The following TNNI3K variants were observed in gnomAD, a reference collection of about 807,000 sequenced individuals.
The protein encoded by TNNI3K is serine/threonine-protein kinase TNNI3K.
TNNI3K carries 140 observed loss-of-function variants against 114.5 expected under a neutral mutation model. The ratio of observed to expected loss-of-function variants is 1.22; its 90% CI spans 1.07 to 1.41. TNNI3K has a LOEUF of 1.41. TNNI3K is among the 40% of genes most tolerant of loss of function. TNNI3K has a pLI of 0.00. For missense variants in TNNI3K, 1,125 were observed against 1,007.6 expected (o/e 1.12, Z -1.58); for synonymous variants, 347 against 347.5 (o/e 1.00, Z 0.02).
Position 74,331,462 on chromosome 1 carries a change from C to T in TNNI3K, c.457C>T (p.Leu153=), listed in dbSNP as rs200629093. The T allele has an allele frequency of 2.5e-6, 4 of 1,613,190 alleles. No individual in the cohort carries two copies. Among genetic ancestry groups the T allele is most frequent in the East Asian group, 2.2e-5 (1 of 44,870 alleles). ...TTTTCTTGTCCAGGCTGCTGATGTGCTGTTGCAACATGGAGCTAATGTCAA... is the reference window on the plus strand; with the variant it reads ...TTTTCTTGTCCAGGCTGCTGATGTGTTGTTGCAACATGGAGCTAATGTCAA... The part of the protein sequence containing the change: ...IAGHLEAADV[L]LQHGANVNIQ... The change falls in exon 6 of 25, where the codon CTG becomes TTG. Residue 153 remains leucine (L), a synonymous_variant. Coordinates refer to ENST00000326637, the MANE Select transcript of TNNI3K (RefSeq NM_015978.3).
chr1:74,461,410 G>A (rs189488524), intron 20 of TNNI3K, among the ~76,000 whole-genome samples: 44 of 151,400 alleles, frequency 2.9e-4, no homozygotes, highest in East Asian at 1.8e-3. Context: ...AACCCAGGAG[G>A]CAGAGGCTGC....
intron 21 of TNNI3K, among the ~76,000 whole-genome samples, chr1:74,481,455 A>C (rs575937294): frequency 6.6e-6 from 1 of 152,274 alleles, no homozygotes; most frequent in Non-Finnish European, 1.5e-5. Context: ...TAAAGGTGCG[A>C]GTTGGGATGG....
At chr1:74,246,280 A>G (rs1654548139) in intron 2 of TNNI3K, among the ~76,000 whole-genome samples, 1 of 152,246 alleles carries the variant, frequency 6.6e-6, no homozygotes, top group Non-Finnish European at 1.5e-5. Context: ...GGAAGAAAGT[A>G]AACTAGGTAC....
chr1:74,513,368 G>A (rs897737394), intron 23 of TNNI3K, among the ~76,000 whole-genome samples: 1 of 152,184 alleles, frequency 6.6e-6, no homozygotes, highest in Non-Finnish European at 1.5e-5. Context: ...GGGATGCAGG[G>A]GCACTGGTAG....
intron 5 of TNNI3K, among the ~76,000 whole-genome samples, chr1:74,316,684 T>C (rs1480416069): frequency 6.6e-6 from 1 of 151,198 alleles, no homozygotes; most frequent in Non-Finnish European, 1.5e-5. Flanking sequence ...TTTTTAATTT[T>C]TATTTATTTA....
chr1:74,369,314 T>C (rs1662463652), intron 15 of TNNI3K, 50 bp downstream of exon 15: 1 of 1,607,154 alleles, frequency 6.2e-7, no homozygotes, highest in Admixed American at 1.7e-5. Flanking sequence ...TTGTGACCTT[T>C]GAGAAGCATG....
chr1:74,332,906 T>C (rs1284130005), intron 6 of TNNI3K, among the ~76,000 whole-genome samples: 1 of 146,160 alleles, frequency 6.8e-6, no homozygotes, highest in Non-Finnish European at 1.5e-5. Flanking sequence ...TCTATGTTTC[T>C]TTAAAACACT....
intron 5 of TNNI3K, among the ~76,000 whole-genome samples, chr1:74,295,089 A>C (rs1278184556): frequency 6.6e-6 from 1 of 152,024 alleles, no homozygotes; most frequent in East Asian, 1.9e-4. Flanking sequence ...CATTCACTTC[A>C]AATATTTTCA....
rs567017412 is a variant in TNNI3K at position 74,269,939 on chromosome 1, G to A, written c.334-1659G>A. Among the ~76,000 whole-genome samples, 19 of 151,948 alleles carry A rather than the reference G, an allele frequency of 1.3e-4. No individual in the cohort carries two copies. The East Asian group carries it at 2.5e-3, about 20-fold the overall frequency. ...AGGCAACAAAAAGGAATCAAGGAAT[G>A]TATAGTTTTAGGAAAGCAAAGGAGA... On this transcript the variant is annotated intron_variant, in intron 4 of 24. Coordinates refer to ENST00000326637, the MANE Select transcript of TNNI3K (RefSeq NM_015978.3).
chr1:74,361,907 G>A (rs1464302039), intron 11 of TNNI3K, among the ~76,000 whole-genome samples: 1 of 152,122 alleles, frequency 6.6e-6, no homozygotes, highest in East Asian at 1.9e-4. Context: ...CTTGGCAAAA[G>A]CATTCATGCC....
At position 74,369,541 on chromosome 1, in the gene TNNI3K, C is replaced by T. The variant is rs1662480272; in HGVS notation, c.1623C>T (p.Tyr541=). ...GCCAGTTTGCCATTGTCACTCAATACATATCAGGGGGTTCTCTGTTCTCCC... is the reference window on the plus strand; with the variant it reads ...GCCAGTTTGCCATTGTCACTCAATATATATCAGGGGGTTCTCTGTTCTCCC... ...DPSQFAIVTQ[Y]ISGGSLFSLL... Residue 541 remains tyrosine (Y), a synonymous_variant, in exon 16 of 25, where the codon TAC becomes TAT. Transcript: ENST00000326637. 1 of 1,612,038 alleles carries T rather than the reference C, an allele frequency of 6.2e-7. No homozygotes were observed. Among genetic ancestry groups the T allele is most frequent in the African/African-American group, 1.3e-5 (1 of 74,756 alleles).
intron 5 of TNNI3K, among the ~76,000 whole-genome samples, chr1:74,309,768 A>T (rs1040549554): frequency 2.0e-5 from 3 of 152,182 alleles, no homozygotes; most frequent in Admixed American, 6.5e-5. Flanking sequence ...TCCCTTCATG[A>T]TAAAAATCCT....
intron 17 of TNNI3K, among the ~76,000 whole-genome samples, chr1:74,432,288 C>T (rs1230977720): frequency 3.3e-5 from 5 of 152,104 alleles, no homozygotes; most frequent in African/African-American, 4.8e-5. Context: ...GCTGTTTCCA[C>T]GAATGTTACA....
chr1:74,405,874 T>C (rs1201007407), intron 17 of TNNI3K, among the ~76,000 whole-genome samples: 2 of 152,240 alleles, frequency 1.3e-5, no homozygotes, highest in Admixed American at 1.3e-4. Context: ...CATTGGACTT[T>C]TGCTTACTAT....
At chr1:74,320,888 G>A (rs567200218) in intron 5 of TNNI3K, among the ~76,000 whole-genome samples, 1 of 152,224 alleles carries the variant, frequency 6.6e-6, no homozygotes, top group Non-Finnish European at 1.5e-5. Context: ...AGTTGAGTAG[G>A]GGGGAGGAAA....
At chr1:74,451,732 TTTC>T (rs1232865346) in intron 20 of TNNI3K, among the ~76,000 whole-genome samples, 13 of 61,080 alleles carry the variant, frequency 2.1e-4, no homozygotes, top group African/African-American at 7.1e-4. Flanking sequence ...TCTTTCTTTC[TTTC>T]TTTCTTTCTT....
chr1:74,280,897 C>A (rs144101620), intron 5 of TNNI3K, among the ~76,000 whole-genome samples: 2 of 152,078 alleles, frequency 1.3e-5, no homozygotes, highest in Non-Finnish European at 2.9e-5. Flanking sequence ...TGCAGTGCAA[C>A]TTGGGGAGAG....
At chr1:74,450,647 C>T (rs1440246873) in intron 20 of TNNI3K, among the ~76,000 whole-genome samples, 10 of 152,112 alleles carry the variant, frequency 6.6e-5, no homozygotes, top group African/African-American at 1.9e-4. Flanking sequence ...TACAAAAAAA[C>T]GCCCAACATC....
At chr1:74,341,984 G>A (rs1660768903) in intron 7 of TNNI3K, 1 of 152,120 alleles carries the variant, frequency 6.6e-6, no homozygotes, top group Non-Finnish European at 1.5e-5. Context: ...TCCAGACCAG[G>A]GAACTGTTGA....
Sources: gnomAD v4.1 joint callset for allele counts (sites outside exome capture counted in the v4.1 genomes callset) on GRCh38, gnomAD v4.1.1 for gene constraint, MANE v1.5 for transcripts, NCBI Gene and HGNC (gene_info 2026-07-23, HGNC 2026-07-21) for gene names.